PPFIA2: variants seen among roughly 807,000 people sequenced by gnomAD.
PPFIA2 encodes the protein liprin-alpha-2.
A neutral mutation model predicts 175.5 loss-of-function variants in PPFIA2; 46 were observed. The ratio of observed to expected loss-of-function variants is 0.26; its 90% CI spans 0.21 to 0.34. The LOEUF (loss-of-function observed/expected upper bound fraction) is 0.34. Among genes scored for constraint, PPFIA2 ranks in the 10% least tolerant of loss-of-function variants. PPFIA2 has a pLI of 1.00. For missense variants in PPFIA2, 1,179 were observed against 1,506.1 expected (o/e 0.78, Z 3.60); for synonymous variants, 568 against 511.4 (o/e 1.11, Z -1.49).
At chr12:81,469,253 G>T (rs2056303103) in intron 4 of PPFIA2, among the ~76,000 whole-genome samples, 1 of 152,108 alleles carries the variant, frequency 6.6e-6, no homozygotes. Context: ...TTTAAAAACT[G>T]ACACTTTGAT....
At chr12:81,367,300 C>T in intron 13 of PPFIA2, 130 bp from the exon 14 acceptor site, 1 of 607,786 alleles carries the variant, frequency 1.6e-6, no homozygotes, top group Non-Finnish European at 2.3e-6. Flanking sequence ...TCTTGGTTTC[C>T]ATGGAAACCA....
intron 14 of PPFIA2, among the ~76,000 whole-genome samples, chr12:81,363,351 C>T (rs2031764811): frequency 6.6e-6 from 1 of 151,042 alleles, no homozygotes; most frequent in African/African-American, 2.4e-5. Flanking sequence ...TGGAGTGCAC[C>T]TTAAAAAGTA....
chr12:81,504,860 C>T (rs543932902), intron 4 of PPFIA2, among the ~76,000 whole-genome samples: 49 of 152,042 alleles, frequency 3.2e-4, no homozygotes, highest in African/African-American at 9.9e-4. Context: ...TGGATGAAGC[C>T]GGAAACCATC....
chr12:81,744,715 T>C (rs1340393398), intron 3 of PPFIA2, among the ~76,000 whole-genome samples: 1 of 152,192 alleles, frequency 6.6e-6, no homozygotes, highest in Non-Finnish European at 1.5e-5. Context: ...CATGGGCCAC[T>C]GCGCCCAGCC....
At chr12:81,721,229 C>T (rs1367656640) in intron 3 of PPFIA2, among the ~76,000 whole-genome samples, 1 of 151,036 alleles carries the variant, frequency 6.6e-6, no homozygotes, top group Non-Finnish European at 1.5e-5. Context: ...CATGTTGACC[C>T]CAGAGGTTTT....
Position 81,495,334 on chromosome 12 carries a change from T to C in PPFIA2, c.304-37468A>G, listed in dbSNP as rs2059918056. ...CATTTTTGCTATTCTACCCTCACCA[T>C]TTTACATGAATAAAAAAAACATAAA... On this transcript the variant is annotated intron_variant, in intron 4 of 32. Transcript: ENST00000549396. Among the ~76,000 whole-genome samples the C allele has an allele frequency of 2.0e-5, 3 of 152,100 alleles. No homozygotes were observed. In the South Asian group the frequency reaches 6.2e-4, roughly 31 times the overall value.
At chr12:81,443,845 CTTTTTTTTTTTTTTTT>C (rs1183160145) in intron 6 of PPFIA2, among the ~76,000 whole-genome samples, 8 of 71,162 alleles carry the variant, frequency 1.1e-4, no homozygotes, top group East Asian at 7.5e-4. Context: ...GCCAACCTTT[CTTTTTTTTTTTTTTTT>C]TTTTTTTTTT....
At chr12:81,305,190 A>T (rs2048849331) in intron 22 of PPFIA2, among the ~76,000 whole-genome samples, 1 of 152,152 alleles carries the variant, frequency 6.6e-6, no homozygotes, top group African/African-American at 2.4e-5. Flanking sequence ...AGATGATTAT[A>T]AATTGATCTC....
rs1477716046 is a variant in PPFIA2 at position 81,505,282 on chromosome 12, A to AG, written c.304-47417_304-47416insC. On this transcript the variant is annotated intron_variant, in intron 4 of 32. Coordinates refer to ENST00000549396, the MANE Select transcript of PPFIA2 (RefSeq NM_003625.5). ...ACTTAAAGTATAATTAAAAAAAAAA[A>AG]AAAGAAAGAAAAGGGAAGAAAGGGC... is the stretch of plus-strand genomic sequence containing the variant. Among the ~76,000 whole-genome samples, 22 of 152,092 alleles carry AG rather than the reference A, an allele frequency of 1.4e-4. No homozygotes were observed. The East Asian group carries it at 3.7e-3, about 25-fold the overall frequency.
intron 4 of PPFIA2, among the ~76,000 whole-genome samples, chr12:81,473,672 C>T (rs995266926): frequency 4.6e-5 from 7 of 152,102 alleles, no homozygotes; most frequent in African/African-American, 1.7e-4. Context: ...ATTTTATTGG[C>T]CATGCTGTTC....
At chr12:81,410,723 C>G (rs2043785595) in intron 7 of PPFIA2, among the ~76,000 whole-genome samples, 1 of 151,928 alleles carries the variant, frequency 6.6e-6, no homozygotes, top group Admixed American at 6.6e-5. Flanking sequence ...GAGCCCATGG[C>G]AAATGGGTGG....
intron 4 of PPFIA2, among the ~76,000 whole-genome samples, chr12:81,629,981 CA>C (rs2063176347): frequency 6.6e-6 from 1 of 152,128 alleles, no homozygotes; most frequent in Non-Finnish European, 1.5e-5. Flanking sequence ...AATGCAATCA[CA>C]AAGTTTCTTA....
chr12:81,327,691 T>C (rs1047844243), intron 21 of PPFIA2, among the ~76,000 whole-genome samples: 5 of 152,054 alleles, frequency 3.3e-5, no homozygotes, highest in Admixed American at 6.6e-5. Flanking sequence ...CTGAGCAATA[T>C]AAGAACATTT....
chr12:81,590,497 T>C (rs2153442114), intron 4 of PPFIA2, among the ~76,000 whole-genome samples: 1 of 152,218 alleles, frequency 6.6e-6, no homozygotes, highest in African/African-American at 2.4e-5. Context: ...ATTTTATTTA[T>C]CTATTTATTT....
chr12:81,615,353 G>A (rs1270126220), intron 4 of PPFIA2, among the ~76,000 whole-genome samples: 6 of 152,158 alleles, frequency 3.9e-5, no homozygotes, highest in Admixed American at 3.3e-4. Flanking sequence ...ATGTCACATA[G>A]CCAGGTGGAT....
rs533364062 is a variant in PPFIA2 at position 81,434,085 on chromosome 12, T to TA, written c.645+5886dup. On this transcript the variant is annotated intron_variant, in intron 7 of 32. Coordinates refer to ENST00000549396, the MANE Select transcript of PPFIA2 (RefSeq NM_003625.5). ...GAGTTAGGAAAAATGTTGCCTTCTT[T>TA]AAAAAAAAATACACTCTATGACTTA... Among the ~76,000 whole-genome samples the TA allele has an allele frequency of 2.1e-3, 311 of 150,948 alleles. 1 individual carries two copies. Among genetic ancestry groups the TA allele is most frequent in the Non-Finnish European group, 3.9e-3 (262 of 67,594 alleles).
intron 11 of PPFIA2, chr12:81,369,530 CA>C (rs2034522951): frequency 1.3e-6 from 1 of 741,928 alleles, no homozygotes; most frequent in Non-Finnish European, 1.7e-6. Flanking sequence ...GGTTGATTAT[CA>C]ATAAATAAAA....
At chr12:81,415,226 T>A (rs1213065487) in intron 7 of PPFIA2, among the ~76,000 whole-genome samples, 1 of 63,770 alleles carries the variant, frequency 1.6e-5, no homozygotes, top group Non-Finnish European at 3.1e-5. Flanking sequence ...TATATATATA[T>A]ATATATATAT....
intron 24 of PPFIA2, among the ~76,000 whole-genome samples, chr12:81,289,754 G>A (rs2044402702): frequency 6.6e-6 from 1 of 151,800 alleles, no homozygotes; most frequent in South Asian, 2.1e-4. Context: ...AATAGTTTTA[G>A]GTGCTCCATC....
Sources: gnomAD v4.1 joint callset for allele counts (sites outside exome capture counted in the v4.1 genomes callset) on GRCh38, gnomAD v4.1.1 for gene constraint, MANE v1.5 for transcripts, NCBI Gene and HGNC (gene_info 2026-07-23, HGNC 2026-07-21) for gene names.